Variants in HPS1 observed in about 807,000 individuals in gnomAD.
The protein encoded by HPS1 is HPS1 biogenesis of lysosomal organelles complex 3 subunit 1.
A neutral mutation model predicts 90.6 loss-of-function variants in HPS1; 59 were observed. The observed-to-expected ratio is 0.65, with a 90% CI of 0.53 to 0.81. HPS1 has a LOEUF of 0.81. HPS1 is among the 30% of genes least tolerant of loss of function. HPS1 has a pLI of 0.00. For synonymous variants in HPS1, 388 were observed against 384.4 expected (o/e 1.01, Z -0.11); for missense variants, 849 against 896.7 (o/e 0.95, Z 0.68).
In HPS1 at chr10:98,425,968, G is replaced by C; in HGVS notation, c.1005C>G (p.Leu335=). Residue 335 remains leucine (L), a synonymous_variant, in exon 12 of 20, where the codon CTC becomes CTG. Coordinates refer to ENST00000361490, the MANE Select transcript of HPS1 (RefSeq NM_000195.5). ...CAGGGCAGTGGGGAACCAGTGTTTG[G>C]AGGGTGTCCTCTGCTATCTACAGAG... ...MDALQIAEDT[L]QTLVPHCPVP... 1 of 1,614,156 alleles carries C rather than the reference G, an allele frequency of 6.2e-7. No homozygotes were observed. Among genetic ancestry groups the C allele is most frequent in the Non-Finnish European group, 8.5e-7 (1 of 1,180,024 alleles).
chr10:98,428,462 G>A (rs1591069783), intron 10 of HPS1, among the ~76,000 whole-genome samples: 1 of 152,330 alleles, frequency 6.6e-6, no homozygotes, highest in African/African-American at 2.4e-5. Context: ...TGCACCCGAG[G>A]CACACTGAAC....
At chr10:98,424,574 G>A (rs1008425857) in intron 13 of HPS1, among the ~76,000 whole-genome samples, 200 bp from the exon 14 acceptor site, 4 of 152,082 alleles carry the variant, frequency 2.6e-5, no homozygotes, top group Admixed American at 1.3e-4. Context: ...ACTCAGCAGC[G>A]TTTATTTAAA....
At chr10:98,433,896 A>C in intron 6 of HPS1, 87 bp downstream of exon 6, 1 of 1,529,564 alleles carries the variant, frequency 6.5e-7, no homozygotes. Flanking sequence ...GCCTTCATTC[A>C]TTAGGGTTAA....
intron 3 of HPS1, among the ~76,000 whole-genome samples, chr10:98,441,383 GT>G (rs1195745321): frequency 6.6e-6 from 1 of 152,044 alleles, no homozygotes; most frequent in East Asian, 1.9e-4. Context: ...AAAATTCAAA[GT>G]AGATCATCAG....
intron 10 of HPS1, among the ~76,000 whole-genome samples, chr10:98,428,880 C>T (rs567301455): frequency 6.9e-4 from 104 of 150,340 alleles, no homozygotes; most frequent in African/African-American, 2.2e-3. Context: ...CTTGCTCTGT[C>T]GCCCAGGCTG....
intron 10 of HPS1, among the ~76,000 whole-genome samples, chr10:98,427,769 A>G (rs1428975044): frequency 1.3e-5 from 2 of 152,066 alleles, no homozygotes; most frequent in Non-Finnish European, 2.9e-5. Flanking sequence ...ACGCACAAAA[A>G]CCTACTGAAC....
Position 98,429,939 on chromosome 10 carries a change from C to T in HPS1, c.769-50G>A, listed in dbSNP as rs761594314. The T allele has an allele frequency of 1.5e-5, 23 of 1,526,654 alleles. No homozygotes were observed. The East Asian group carries it at 5.0e-4, about 33-fold the overall frequency. 94.6% of individuals were successfully genotyped at this position (1,526,654 alleles called of 1,614,324 possible). A position where few individuals can be genotyped will look rare whatever the true frequency, so the allele number is the denominator to read the frequency against. ...GTTAGCTCCTATCTGACCTGGCTCC[C>T]TCCACCCCTTCTGCCTCCCAGCGCT... is the stretch of plus-strand genomic sequence containing the variant. On this transcript the variant is annotated intron_variant, in intron 8 of 19. Coordinates refer to ENST00000361490, the MANE Select transcript of HPS1 (RefSeq NM_000195.5).
At chr10:98,430,709 C>A (rs747307193) in intron 7 of HPS1, 39 bp from the exon 8 acceptor site, 6 of 1,503,908 alleles carry the variant, frequency 4.0e-6, no homozygotes, top group Non-Finnish European at 5.4e-6. Context: ...CAGCACATGC[C>A]CAGCAGGAGA....
At chr10:98,429,551 C>A (rs1477066111) in intron 10 of HPS1, 22 bp downstream of exon 10, 2 of 1,614,082 alleles carry the variant, frequency 1.2e-6, no homozygotes, top group Admixed American at 1.7e-5. Context: ...ATTGTTTCCT[C>A]CTGCTTTCCT....
intron 10 of HPS1, among the ~76,000 whole-genome samples, chr10:98,427,678 C>T (rs1470204454): frequency 6.6e-6 from 1 of 152,114 alleles, no homozygotes; most frequent in African/African-American, 2.4e-5. Context: ...CCACGTTTGC[C>T]CATTCATTTA....
In HPS1 at chr10:98,435,388, G is replaced by C; in HGVS notation, c.282C>G (p.Ile94Met). ...CCTCGCTCTCGGTGTGGTCACCATT[G>C]ATGGCAATGAACAGGCATTCTCCAA... ...HLFGECLFIA[I>M]NGDHTESEGD... Residue 94 changes from isoleucine to methionine, a missense_variant, in exon 5 of 20, where the codon ATC (isoleucine) becomes ATG (methionine). Physicochemically the swap from Ile to Met is conservative, Grantham distance 10. Coordinates refer to ENST00000361490, the MANE Select transcript of HPS1 (RefSeq NM_000195.5). This position sits in a 1 kb window ranked among gnomAD's most constrained non-coding sequence, Gnocchi z 4.3. 6.2e-7 allele frequency: 1 copy of C among 1,613,856 alleles called. No homozygotes were observed. The highest frequency in any genetic ancestry group is 8.5e-7 in the Non-Finnish European group (1 of 1,180,006).
intron 3 of HPS1, among the ~76,000 whole-genome samples, chr10:98,437,217 C>T (rs1407950397): frequency 7.9e-5 from 12 of 152,162 alleles, no homozygotes; most frequent in East Asian, 5.8e-4. Flanking sequence ...TGCTTTACCC[C>T]GAGAGACTGG....
chr10:98,426,157 C>T (rs1396992873), intron 11 of HPS1, 172 bp from the exon 12 acceptor site: 2 of 621,508 alleles, frequency 3.2e-6, no homozygotes, highest in Non-Finnish European at 5.6e-6. Context: ...TCGCTGTTGC[C>T]CCTCTCCCTC....
rs1367800194 is a variant in HPS1, at chr10:98,429,812, A to G, written c.846T>C (p.Thr282=). 3 of 1,613,706 alleles carry G rather than the reference A, an allele frequency of 1.9e-6. No homozygotes were observed. Among genetic ancestry groups the G allele is most frequent in the Admixed American group, 1.7e-5 (1 of 60,028 alleles). Residue 282 remains threonine (T), a synonymous_variant, in exon 9 of 20, where the codon ACT becomes ACC. Transcript: ENST00000361490. The part of the protein sequence containing the change: ...QAWSPHSTGP[T]GGSSAETETD... ...ACACCGTCTCTGCAGAGCTCCCCCC[A>G]GTTGGGCCCGTGGAGTGAGGGCTCC... is the stretch of plus-strand genomic sequence containing the variant.
chr10:98,424,029 A>G, intron 14 of HPS1, 142 bp from the exon 15 acceptor site: 1 of 1,111,052 alleles, frequency 9.0e-7, no homozygotes, highest in Admixed American at 2.0e-5. Context: ...TCTTGTACCC[A>G]GGACAGACCA....
rs547885513 is a variant in HPS1, at chr10:98,434,880, G to C, written c.398+392C>G. Among the ~76,000 whole-genome samples the C allele has an allele frequency of 5.7e-5, 8 of 141,200 alleles. No homozygotes were observed. In the Admixed American group the frequency reaches 6.0e-4, roughly 11 times the overall value. The allele number at this position is 141,200 out of a possible 152,430, so 92.6% of individuals were successfully genotyped here. A position where few individuals can be genotyped will look rare whatever the true frequency, so the allele number is the denominator to read the frequency against. ...CACGAGACTGTATGAATGTGCATGGGTTTGTGTTTTTCTGGAGAGAGAGTC... is the reference window on the plus strand; with the variant it reads ...CACGAGACTGTATGAATGTGCATGGCTTTGTGTTTTTCTGGAGAGAGAGTC... On this transcript the variant is annotated intron_variant, in intron 5 of 19. Transcript: ENST00000361490.
At chr10:98,443,765 G>T (rs916079518) in intron 2 of HPS1, among the ~76,000 whole-genome samples, 3 of 152,186 alleles carry the variant, frequency 2.0e-5, no homozygotes, top group African/African-American at 7.2e-5. Context: ...GGGCGCGGTG[G>T]CTCACGCCTG....
chr10:98,431,108 C>T, intron 7 of HPS1, 23 bp downstream of exon 7: 1 of 1,613,520 alleles, frequency 6.2e-7, no homozygotes, highest in Non-Finnish European at 8.5e-7. Context: ...CTTTAGCCAC[C>T]ACATGCCAGA....
intron 3 of HPS1, among the ~76,000 whole-genome samples, chr10:98,436,193 G>A (rs1847297950): frequency 6.6e-6 from 1 of 152,086 alleles, no homozygotes; most frequent in Admixed American, 6.5e-5. Context: ...GCACAAAGAT[G>A]TTCACTACTG....
Sources: allele counts gnomAD v4.1 joint callset (sites outside exome capture counted in the v4.1 genomes callset), GRCh38; gene constraint gnomAD v4.1.1; non-coding constraint Gnocchi (gnomAD v3.1); transcripts MANE v1.5; gene names NCBI Gene and HGNC (gene_info 2026-07-23, HGNC 2026-07-21).